The following DLG2 variants were observed in gnomAD, a reference collection of about 807,000 sequenced individuals.
DLG2 encodes disks large homolog 2.
Under a neutral mutation model 132.5 loss-of-function variants are expected in DLG2, and 45 were observed. That is an observed-to-expected ratio of 0.34 (90% CI 0.27 to 0.44). DLG2 has a LOEUF of 0.44. Among genes scored for constraint, DLG2 ranks in the 20% least tolerant of loss-of-function variants. DLG2 has a pLI of 1.00. For missense variants in DLG2, 1,045 were observed against 1,196.9 expected (o/e 0.87, Z 1.87); for synonymous variants, 424 against 419.6 (o/e 1.01, Z -0.13).
At chr11:85,511,058 T>G (rs1378765352) in intron 3 of DLG2, among the ~76,000 whole-genome samples, 1 of 152,100 alleles carries the variant, frequency 6.6e-6, no homozygotes, top group Non-Finnish European at 1.5e-5. Context: ...AATGATGAGT[T>G]CATGTCCTTT....
intron 3 of DLG2, chr11:85,510,183 G>A (rs1238446488): frequency 1.3e-5 from 2 of 151,974 alleles, no homozygotes; most frequent in East Asian, 3.9e-4. Context: ...AAGAAGGCCA[G>A]TCTGGCTAGA....
chr11:84,772,014 A>G (rs1013452051), intron 6 of DLG2, among the ~76,000 whole-genome samples: 1 of 152,182 alleles, frequency 6.6e-6, no homozygotes, highest in African/African-American at 2.4e-5. Flanking sequence ...CTTGAAGGGC[A>G]TCTTTCACAT....
At chr11:84,326,599 C>G (rs993712757) in intron 7 of DLG2, among the ~76,000 whole-genome samples, 2 of 152,088 alleles carry the variant, frequency 1.3e-5, no homozygotes, top group African/African-American at 4.8e-5. Flanking sequence ...TGGCATGATT[C>G]CATCTTCTTA....
At chr11:84,873,592 A>G (rs1204331679) in intron 6 of DLG2, among the ~76,000 whole-genome samples, 1 of 152,258 alleles carries the variant, frequency 6.6e-6, no homozygotes, top group Non-Finnish European at 1.5e-5. Context: ...TGTGTCAGGT[A>G]TGCCAATTCT....
chr11:84,086,820 C>A (rs1480124743), intron 10 of DLG2, among the ~76,000 whole-genome samples: 1 of 152,094 alleles, frequency 6.6e-6, no homozygotes, highest in Non-Finnish European at 1.5e-5. Context: ...CAAAAGAAAT[C>A]TTATATCTAT....
At chr11:85,540,363 C>G (rs776622402) in intron 3 of DLG2, among the ~76,000 whole-genome samples, 1 of 152,180 alleles carries the variant, frequency 6.6e-6, no homozygotes, top group Non-Finnish European at 1.5e-5. Context: ...GAAGAGCACA[C>G]TGACAGACAC....
chr11:85,224,292 T>C (rs2074845456), intron 4 of DLG2, among the ~76,000 whole-genome samples: 1 of 152,166 alleles, frequency 6.6e-6, no homozygotes, highest in Non-Finnish European at 1.5e-5. Context: ...ATTTTTGAGT[T>C]CATGATAAGA....
intron 19 of DLG2, among the ~76,000 whole-genome samples, chr11:83,619,990 G>T (rs983444876): frequency 6.6e-6 from 1 of 152,182 alleles, no homozygotes; most frequent in Non-Finnish European, 1.5e-5. Flanking sequence ...TTTCATGTTA[G>T]AGGGCATTAG....
chr11:85,287,682 C>T (rs552384568), intron 3 of DLG2, among the ~76,000 whole-genome samples: 1 of 152,102 alleles, frequency 6.6e-6, no homozygotes, highest in African/African-American at 2.4e-5. Flanking sequence ...GCATCAAAAA[C>T]AAACCAAAAT....
chr11:84,662,621 T>C lies in DLG2; in HGVS notation c.358-127890A>G, dbSNP rs2099695637. Among the ~76,000 whole-genome samples the C allele has an allele frequency of 2.0e-5, 3 of 151,924 alleles. No individual in the cohort carries two copies. In the South Asian group the frequency reaches 6.2e-4, roughly 32 times the overall value. Reference sequence around the variant, plus strand: ...AGCCAACATGGTGAAACTCTGTCTCTACTAAAAATAGAAAAATCAGTCAGG... The same window carrying C: ...AGCCAACATGGTGAAACTCTGTCTCCACTAAAAATAGAAAAATCAGTCAGG... On this transcript the variant is annotated intron_variant, in intron 6 of 27. Transcript: ENST00000376104.
chr11:84,609,838 T>C (rs2099592295), intron 6 of DLG2, among the ~76,000 whole-genome samples: 1 of 152,110 alleles, frequency 6.6e-6, no homozygotes, highest in Admixed American at 6.6e-5. Context: ...CAAAGCAATC[T>C]CAGTATTTAA....
chr11:85,298,658 A>G (rs2079393788), intron 3 of DLG2, among the ~76,000 whole-genome samples: 1 of 152,212 alleles, frequency 6.6e-6, no homozygotes, highest in Non-Finnish European at 1.5e-5. Flanking sequence ...TTAATTTCCC[A>G]TTAATACCAA....
At chr11:83,486,789 C>G (rs1806227241) in intron 21 of DLG2, among the ~76,000 whole-genome samples, 1 of 152,040 alleles carries the variant, frequency 6.6e-6, no homozygotes, top group South Asian at 2.1e-4. Context: ...CATTTCCTTA[C>G]ATTTGTGGAC....
At chr11:83,713,473 T>A (rs1483463482) in intron 18 of DLG2, among the ~76,000 whole-genome samples, 1 of 152,280 alleles carries the variant, frequency 6.6e-6, no homozygotes, top group Admixed American at 6.5e-5. Flanking sequence ...AGTATTTAAA[T>A]GTAGGGTTCA....
At chr11:84,357,565 T>C (rs1245986974) in intron 7 of DLG2, among the ~76,000 whole-genome samples, 11 of 152,150 alleles carry the variant, frequency 7.2e-5, no homozygotes, top group African/African-American at 2.4e-4. Flanking sequence ...ATAAAGCAGG[T>C]GCTCAGGATT....
At chr11:85,246,406 A>T (rs550896039) in intron 4 of DLG2, among the ~76,000 whole-genome samples, 2 of 152,140 alleles carry the variant, frequency 1.3e-5, no homozygotes, top group African/African-American at 4.8e-5. Context: ...CTTGAATTCC[A>T]TATCAAAACT....
chr11:85,074,051 T>G (rs1162111635), intron 6 of DLG2, among the ~76,000 whole-genome samples: 1 of 151,782 alleles, frequency 6.6e-6, no homozygotes, highest in Non-Finnish European at 1.5e-5. Flanking sequence ...TGAGTATATA[T>G]GGACACAATG....
At chr11:83,855,384 C>T (rs2060375016) in intron 16 of DLG2, among the ~76,000 whole-genome samples, 1 of 152,188 alleles carries the variant, frequency 6.6e-6, no homozygotes, top group Non-Finnish European at 1.5e-5. Flanking sequence ...ATAGTTCTAG[C>T]AGCTTTATTA....
intron 3 of DLG2, among the ~76,000 whole-genome samples, chr11:85,561,032 G>C (rs1268351612): frequency 6.7e-6 from 1 of 149,468 alleles, no homozygotes; most frequent in East Asian, 2.0e-4. Context: ...AACATCCTAT[G>C]TCAAAAAAAA....
Sources: gnomAD v4.1 joint callset for allele counts (sites outside exome capture counted in the v4.1 genomes callset) on GRCh38, gnomAD v4.1.1 for gene constraint, MANE v1.5 for transcripts, NCBI Gene and HGNC (gene_info 2026-07-23, HGNC 2026-07-21) for gene names.